The following COL4A4 variants were observed in gnomAD, a reference collection of about 807,000 sequenced individuals.
COL4A4 encodes collagen alpha-4(IV) chain.
In COL4A4, 105 loss-of-function variants were observed where a neutral mutation model predicts 192.9. The observed-to-expected ratio is 0.54, with a 90% CI of 0.46 to 0.64. COL4A4 has a LOEUF of 0.64. Among genes scored for constraint, COL4A4 ranks in the 30% least tolerant of loss-of-function variants. The pLI is 0.00. For missense variants in COL4A4, 1,967 were observed against 2,169.3 expected, an observed-to-expected ratio of 0.91 and a Z score of 1.85; for synonymous variants, 762 against 769.9, an observed-to-expected ratio of 0.99 and a Z score of 0.17.
At position 227,007,573 on chromosome 2, in the gene COL4A4, C is replaced by A. The variant is rs1429753305; in HGVS notation, c.4825G>T (p.Asp1609Tyr). 1 of 1,612,574 alleles carries A rather than the reference C, an allele frequency of 6.2e-7. No homozygotes were observed. Among genetic ancestry groups the A allele is most frequent in the Non-Finnish European group, 8.5e-7 (1 of 1,180,022 alleles). The change falls in exon 48 of 48, where the codon GAC becomes TAC. Residue 1609 changes from aspartate (D) to tyrosine (Y), a missense_variant. Physicochemically the swap from Asp to Tyr is radical, Grantham distance 160. Transcript: ENST00000396625. ...YSFLMHTGAGDQGGGQALMSP... is the reference protein window; with the variant it reads ...YSFLMHTGAGYQGGGQALMSP... Reference sequence around the variant, plus strand: ...ATAAGGGCCTGCCCTCCTCCTTGGTCCCCAGCTCCTGTGTGCTACCCAGAA... The same window carrying A: ...ATAAGGGCCTGCCCTCCTCCTTGGTACCCAGCTCCTGTGTGCTACCCAGAA...
intron 1 of COL4A4, among the ~76,000 whole-genome samples, chr2:227,154,112 T>A (rs574247398): frequency 3.9e-5 from 6 of 152,258 alleles, no homozygotes; most frequent in African/African-American, 1.4e-4. Context: ...ACAACCTCTT[T>A]CCCAGCGGCA....
intron 26 of COL4A4, 58 bp downstream of exon 26, chr2:227,062,472 G>A: frequency 9.9e-7 from 1 of 1,013,076 alleles, no homozygotes; most frequent in Non-Finnish European, 1.5e-6. Context: ...CTGTCTGGCT[G>A]GTTTTTTTTT....
chr2:227,130,669 C>T (rs972110114), intron 4 of COL4A4, among the ~76,000 whole-genome samples: 12 of 152,214 alleles, frequency 7.9e-5, no homozygotes, highest in Admixed American at 1.3e-4. Context: ...ACAATCCCTC[C>T]GTGTCCCTCC....
At chr2:227,041,816 G>GAAAGAAAGA (rs1559477106) in intron 37 of COL4A4, among the ~76,000 whole-genome samples, 1 of 35,866 alleles carries the variant, frequency 2.8e-5, no homozygotes, top group African/African-American at 2.0e-4. Flanking sequence ...AAGAAAGAAA[G>GAAAGAAAGA]AAAGAAAGAA....
At chr2:227,156,323 T>C (rs1451169117) in intron 1 of COL4A4, among the ~76,000 whole-genome samples, 1 of 150,164 alleles carries the variant, frequency 6.7e-6, no homozygotes, top group Non-Finnish European at 1.5e-5. Flanking sequence ...CACTTGAGCC[T>C]AGGAGGCAGA....
chr2:227,055,889 G>T, intron 30 of COL4A4, 56 bp downstream of exon 30: 1 of 1,492,742 alleles, frequency 6.7e-7, no homozygotes, highest in Non-Finnish European at 9.3e-7. Context: ...TCTTCACTTG[G>T]CAGTGGATTT....
At chr2:227,043,727 C>G (rs1054280885) in intron 35 of COL4A4, among the ~76,000 whole-genome samples, 1 of 152,124 alleles carries the variant, frequency 6.6e-6, no homozygotes, top group Non-Finnish European at 1.5e-5. Flanking sequence ...ATTTTAAATG[C>G]TGAAGTATTT....
At chr2:226,977,233 C>T in the COL4A4 span, among the ~76,000 whole-genome samples, 1 of 152,308 alleles carries the variant, frequency 6.6e-6, no homozygotes, top group South Asian at 2.1e-4. Context: ...TCCCCTTCGG[C>T]AAGCTCCCCC....
At chr2:227,089,843 A>C in intron 21 of COL4A4, 25 bp downstream of exon 21, 1 of 1,579,194 alleles carries the variant, frequency 6.3e-7, no homozygotes. Flanking sequence ...GTCTTCTAGA[A>C]ATTCTACCTT....
chr2:226,984,328 A>G, the COL4A4 span, among the ~76,000 whole-genome samples: 5 of 152,350 alleles, frequency 3.3e-5, no homozygotes, highest in Non-Finnish European at 7.3e-5. Context: ...CCAGGTACTA[A>G]TATGATCAGG....
chr2:227,096,489 G>T (rs1439324213), intron 19 of COL4A4, among the ~76,000 whole-genome samples: 2 of 152,166 alleles, frequency 1.3e-5, no homozygotes, highest in African/African-American at 4.8e-5. Flanking sequence ...GGCTTCAGTA[G>T]ACATACAAAC....
chr2:226,989,816 G>A, the COL4A4 span, among the ~76,000 whole-genome samples: 1 of 152,142 alleles, frequency 6.6e-6, no homozygotes, highest in Non-Finnish European at 1.5e-5. Flanking sequence ...CAGGTAAAGT[G>A]GTAAACTAGG....
chr2:227,079,386 G>A (rs2059203592), intron 24 of COL4A4, among the ~76,000 whole-genome samples: 1 of 152,198 alleles, frequency 6.6e-6, no homozygotes, highest in African/African-American at 2.4e-5. Context: ...TGATTTCTAA[G>A]TAGTTCCTTG....
intron 23 of COL4A4, 42 bp from the exon 24 acceptor site, chr2:227,080,591 G>A (rs1482748012): frequency 1.9e-6 from 3 of 1,548,064 alleles, no homozygotes; most frequent in African/African-American, 1.4e-5. Flanking sequence ...CTTATCAGCA[G>A]AGGGTAAAGT....
At chr2:227,072,431 C>T (rs2058775699) in intron 25 of COL4A4, among the ~76,000 whole-genome samples, 1 of 151,692 alleles carries the variant, frequency 6.6e-6, no homozygotes, top group Non-Finnish European at 1.5e-5. Flanking sequence ...AGAAAACAAA[C>T]CCAGAATCAG....
chr2:227,020,396 T>A (rs1218014528), intron 44 of COL4A4, among the ~76,000 whole-genome samples: 1 of 152,168 alleles, frequency 6.6e-6, no homozygotes, highest in Non-Finnish European at 1.5e-5. Context: ...TAAAAAAAGT[T>A]GCTACAACCA....
At chr2:227,109,461 C>T in intron 9 of COL4A4, 175 bp from the exon 10 acceptor site, 1 of 715,822 alleles carries the variant, frequency 1.4e-6, no homozygotes, top group South Asian at 1.5e-5. Context: ...AAAAGGGCAC[C>T]AAGCAGTCCG....
At chr2:227,100,366 A>G (rs1326544877) in intron 17 of COL4A4, among the ~76,000 whole-genome samples, 1 of 152,206 alleles carries the variant, frequency 6.6e-6, no homozygotes, top group Admixed American at 6.5e-5. Context: ...ATATGATAAT[A>G]TGATAATCAT....
intron 1 of COL4A4, among the ~76,000 whole-genome samples, chr2:227,153,948 G>C (rs1246524768): frequency 6.6e-6 from 1 of 152,086 alleles, no homozygotes; most frequent in East Asian, 1.9e-4. Context: ...CAGTTGGACA[G>C]AAGGCATGGC....
Sources: gnomAD v4.1 joint callset for allele counts (sites outside exome capture counted in the v4.1 genomes callset) on GRCh38, gnomAD v4.1.1 for gene constraint, MANE v1.5 for transcripts, NCBI Gene and HGNC (gene_info 2026-07-23, HGNC 2026-07-21) for gene names.